Variants in TRPV4 observed in about 807,000 individuals in gnomAD.
The protein encoded by TRPV4 is OSM9-like transient receptor potential channel 4.
TRPV4 carries 58 observed loss-of-function variants against 84.1 expected under a neutral mutation model. The observed-to-expected ratio is 0.69, with a 90% CI of 0.56 to 0.86. The LOEUF (loss-of-function observed/expected upper bound fraction) is 0.86. TRPV4 is among the 40% of genes least tolerant of loss of function. The probability of loss-of-function intolerance (pLI) is 0.00; values close to 1 mark genes in which losing one functional copy is unlikely to be tolerated. For missense variants in TRPV4, 879 were observed against 1,181.1 expected (o/e 0.74, Z 3.75); for synonymous variants, 489 against 500.9 (o/e 0.98, Z 0.32).
intron 12 of TRPV4, among the ~76,000 whole-genome samples, chr12:109,789,789 G>A (rs1430212433): frequency 6.6e-6 from 1 of 152,212 alleles, no homozygotes; most frequent in Non-Finnish European, 1.5e-5. Context: ...GTGAAACACT[G>A]TGTTGAGAAG....
chr12:109,819,542 CA>C (rs1242837101), intron 1 of TRPV4, among the ~76,000 whole-genome samples: 1 of 152,208 alleles, frequency 6.6e-6, no homozygotes, highest in African/African-American at 2.4e-5. Flanking sequence ...GACATCTTCA[CA>C]ACAGCGTTCA....
rs539545674 is a variant in TRPV4, at chr12:109,791,639, TG to T, written c.1891+723del. On this transcript the variant is annotated intron_variant, in intron 12 of 15. Coordinates refer to ENST00000261740, the MANE Select transcript of TRPV4 (RefSeq NM_021625.5). ...CTGGGTCTATAGTTGCGCGCCACCATGCCTGTCTAATTTTTGTATTTTTTGG... is the reference window on the plus strand; with the variant it reads ...CTGGGTCTATAGTTGCGCGCCACCATCCTGTCTAATTTTTGTATTTTTTGG... Among the ~76,000 whole-genome samples the T allele has an allele frequency of 1.6e-3, 249 of 151,260 alleles. 2 individuals are homozygous for T. Among genetic ancestry groups the T allele is most frequent in the Middle Eastern group, 6.8e-3 (2 of 294 alleles).
At chr12:109,810,668 G>A (rs1032564732) in intron 2 of TRPV4, among the ~76,000 whole-genome samples, 1 of 152,190 alleles carries the variant, frequency 6.6e-6, no homozygotes, top group African/African-American at 2.4e-5. Context: ...AGCCTCTAAT[G>A]AGGGCACTTA....
chr12:109,809,467 T>C (rs548898528), intron 2 of TRPV4, among the ~76,000 whole-genome samples: 1 of 147,436 alleles, frequency 6.8e-6, no homozygotes, highest in Non-Finnish European at 1.5e-5. Flanking sequence ...CATCCATCCA[T>C]CCATCACTCA....
chr12:109,803,266 A>G, intron 3 of TRPV4, 123 bp from the exon 4 acceptor site: 1 of 1,203,018 alleles, frequency 8.3e-7, no homozygotes. Context: ...CTCCTCTCCA[A>G]GCCTGTTTCC....
rs762129482 is a variant in TRPV4, at chr12:109,814,846, G to A, written c.-31-19C>T. On this transcript the variant is annotated intron_variant, in intron 1 of 15. Coordinates refer to ENST00000261740, the MANE Select transcript of TRPV4 (RefSeq NM_021625.5). The surrounding 1 kb of genome is among the most constrained non-coding windows in gnomAD (Gnocchi z 5.4). Reference sequence around the variant, plus strand: ...GCTCAGCCTGCAAGGGAATGAAAGGGGAGTCAGGCAGAACCCGGCCAGGGG... The same window carrying A: ...GCTCAGCCTGCAAGGGAATGAAAGGAGAGTCAGGCAGAACCCGGCCAGGGG... 3.2e-5 allele frequency: 49 copies of A among 1,533,594 alleles called. No homozygotes were observed. The highest frequency in any genetic ancestry group is 1.7e-4 in the South Asian group (14 of 83,940). The allele number at this position is 1,533,594 out of a possible 1,614,324, so 95.0% of individuals were successfully genotyped here. A position where few individuals can be genotyped will look rare whatever the true frequency, so the allele number is the denominator to read the frequency against.
At position 109,814,374 on chromosome 12, in the gene TRPV4, G is replaced by A. The variant is rs750101434; in HGVS notation, c.386+37C>T. ...TGATGAATGGGTGAATGGATACAGAGGAGGAGACCACAGGCCAGGAAGCTA... is the reference window on the plus strand; with the variant it reads ...TGATGAATGGGTGAATGGATACAGAAGAGGAGACCACAGGCCAGGAAGCTA... On this transcript the variant is annotated intron_variant, in intron 2 of 15. Coordinates refer to ENST00000261740, the MANE Select transcript of TRPV4 (RefSeq NM_021625.5). This position sits in a 1 kb window ranked among gnomAD's most constrained non-coding sequence, Gnocchi z 5.4. 4 of 1,607,566 alleles carry A rather than the reference G, an allele frequency of 2.5e-6. No individual in the cohort carries two copies. The South Asian group carries it at 4.5e-5, about 18-fold the overall frequency.
At chr12:109,800,853 G>T (rs1347327474) in intron 4 of TRPV4, 95 bp from the exon 5 acceptor site, 3 of 1,071,010 alleles carry the variant, frequency 2.8e-6, no homozygotes, top group South Asian at 2.6e-5. Flanking sequence ...GTAGAAATTG[G>T]GGGGTGGGGG....
In TRPV4 at chr12:109,814,460, A is replaced by C; in HGVS notation, c.337T>G (p.Tyr113Asp). ...TTGTTGTCACTGGAGTGGTGACGATAGGTGCCGTAGTCAAACAGTGAGTCC... is the reference window on the plus strand; with the variant it reads ...TTGTTGTCACTGGAGTGGTGACGATCGGTGCCGTAGTCAAACAGTGAGTCC... ...PMDSLFDYGT[Y>D]RHHSSDNKRW... Residue 113 changes from tyrosine (Y) to aspartate (D), a missense_variant, in exon 2 of 16, where the codon TAT (tyrosine) becomes GAT (aspartate). Tyr to Asp is a radical substitution (Grantham distance 160). Coordinates refer to ENST00000261740, the MANE Select transcript of TRPV4 (RefSeq NM_021625.5). This position sits in a 1 kb window ranked among gnomAD's most constrained non-coding sequence, Gnocchi z 5.4. The C allele has an allele frequency of 1.2e-6, 2 of 1,614,160 alleles. No homozygotes were observed. The highest frequency in any genetic ancestry group is 1.7e-6 in the Non-Finnish European group (2 of 1,180,000).
intron 2 of TRPV4, among the ~76,000 whole-genome samples, chr12:109,812,885 G>A (rs1356641209): frequency 2.6e-5 from 4 of 152,190 alleles, no homozygotes; most frequent in Admixed American, 2.6e-4. Context: ...TGAGTAGATA[G>A]ATATTTTAAT....
rs968089386 is a variant in TRPV4, at chr12:109,793,808, G to A, written c.1584+122C>T. The A allele has an allele frequency of 1.1e-6, 1 of 880,796 alleles. No individual in the cohort carries two copies. Among genetic ancestry groups the A allele is most frequent in the Admixed American group, 2.0e-5 (1 of 49,518 alleles). The allele number at this position is 880,796 out of a possible 1,614,324, so 54.6% of individuals were successfully genotyped here. On this transcript the variant is annotated intron_variant, in intron 9 of 15. Coordinates refer to ENST00000261740, the MANE Select transcript of TRPV4 (RefSeq NM_021625.5). This position sits in a 1 kb window ranked among gnomAD's most constrained non-coding sequence, Gnocchi z 4.0. ...GTAGAAGAGAAATGGGAAAATAAAA[G>A]GAGGAAGGAAAGGAGAAGGACCATT...
rs762443188 is a variant in TRPV4 at position 109,814,377 on chromosome 12, G to A, written c.386+34C>T. ...TGAATGGGTGAATGGATACAGAGGAGGAGACCACAGGCCAGGAAGCTAACA... is the reference window on the plus strand; with the variant it reads ...TGAATGGGTGAATGGATACAGAGGAAGAGACCACAGGCCAGGAAGCTAACA... On this transcript the variant is annotated intron_variant, in intron 2 of 15. Transcript: ENST00000261740. The surrounding 1 kb of genome is among the most constrained non-coding windows in gnomAD (Gnocchi z 5.4). 3 of 1,609,060 alleles carry A rather than the reference G, an allele frequency of 1.9e-6. No homozygotes were observed. Among genetic ancestry groups the A allele is most frequent in the Non-Finnish European group, 1.7e-6 (2 of 1,177,774 alleles).
chr12:109,813,066 C>T (rs1891620106), intron 2 of TRPV4, among the ~76,000 whole-genome samples: 1 of 152,006 alleles, frequency 6.6e-6, no homozygotes, highest in South Asian at 2.1e-4. Flanking sequence ...AAGAGATGGA[C>T]AGACAAGTAG....
At chr12:109,818,236 C>T (rs1443930261) in intron 1 of TRPV4, among the ~76,000 whole-genome samples, 5 of 152,102 alleles carry the variant, frequency 3.3e-5, no homozygotes, top group African/African-American at 1.2e-4. Context: ...GGCCTCCCCA[C>T]CAGGAAGCTC....
rs755755753 is a variant in TRPV4, at chr12:109,788,598, G to A, written c.2010C>T (p.Leu670=). ...CRDSETFSTF[L]LDLFKLTIGM... is the part of the protein sequence containing the mutation. ...CGATGGTCAGCTTAAACAGGTCCAGGAGGAAGGTGCTGAAGGTCTCGCTGT... is the reference window on the plus strand; with the variant it reads ...CGATGGTCAGCTTAAACAGGTCCAGAAGGAAGGTGCTGAAGGTCTCGCTGT... The change falls in exon 13 of 16, where the codon CTC becomes CTT. Residue 670 remains leucine, a synonymous_variant. Coordinates refer to ENST00000261740, the MANE Select transcript of TRPV4 (RefSeq NM_021625.5). 1.1e-5 allele frequency: 17 copies of A among 1,614,156 alleles called. No individual in the cohort carries two copies. Among genetic ancestry groups the A allele is most frequent in the African/African-American group, 1.3e-5 (1 of 74,964 alleles).
At chr12:109,818,812 A>C (rs1022351686) in intron 1 of TRPV4, among the ~76,000 whole-genome samples, 1 of 152,108 alleles carries the variant, frequency 6.6e-6, no homozygotes, top group Non-Finnish European at 1.5e-5. Context: ...ACACACATGC[A>C]CACACGTGCC....
At position 109,803,184 on chromosome 12, in the gene TRPV4, C is replaced by G. The variant is rs56378864; in HGVS notation, c.560-41G>C. 5.7e-3 allele frequency: 9,209 copies of G among 1,611,000 alleles called. 47 individuals carry two copies. Among genetic ancestry groups the G allele is most frequent in the Non-Finnish European group, 5.9e-3 (6,963 of 1,179,614 alleles). On this transcript the variant is annotated intron_variant, in intron 3 of 15. Coordinates refer to ENST00000261740, the MANE Select transcript of TRPV4 (RefSeq NM_021625.5). ...CACAAGATGACGCAGTGCTCCAGCC[C>G]ATGACCTTGAACTTCCAGGCATCGG...
Position 109,815,014 on chromosome 12 carries a change from G to A in TRPV4, c.-31-187C>T, listed in dbSNP as rs183707412. ...CAGCCTCAGGCGGGAACTGCAACAG[G>A]AGCCTCTTTCACGAACCTGGAAACA... On this transcript the variant is annotated intron_variant, in intron 1 of 15. Coordinates refer to ENST00000261740, the MANE Select transcript of TRPV4 (RefSeq NM_021625.5). The surrounding 1 kb of genome is among the most constrained non-coding windows in gnomAD (Gnocchi z 4.1). The A allele has an allele frequency of 5.6e-3, 3,401 of 608,338 alleles. 20 individuals carry two copies. The highest frequency in any genetic ancestry group is 6.0e-3 in the Non-Finnish European group (2,062 of 345,474). The allele number at this position is 608,338 out of a possible 1,614,324, so 37.7% of individuals were successfully genotyped here. A position where few individuals can be genotyped will look rare whatever the true frequency, so the allele number is the denominator to read the frequency against.
intron 11 of TRPV4, 99 bp downstream of exon 11, chr12:109,792,553 C>G (rs56242805): frequency 4.9e-5 from 77 of 1,580,012 alleles, no homozygotes; most frequent in African/African-American, 6.7e-5. Context: ...CCCCACGGTA[C>G]CCAGCATCCT....
Sources: allele counts gnomAD v4.1 joint callset (sites outside exome capture counted in the v4.1 genomes callset), GRCh38; gene constraint gnomAD v4.1.1; non-coding constraint Gnocchi (gnomAD v3.1); transcripts MANE v1.5; gene names NCBI Gene and HGNC (gene_info 2026-07-23, HGNC 2026-07-21).